The following RIC3 variants were observed in gnomAD, a reference collection of about 807,000 sequenced individuals.
The protein encoded by RIC3 is protein RIC-3.
In RIC3, 28 loss-of-function variants were observed where a neutral mutation model predicts 27.3. That is an observed-to-expected ratio of 1.02 (90% CI 0.76 to 1.41). The LOEUF (loss-of-function observed/expected upper bound fraction) is 1.41. RIC3 is among the 40% of genes most tolerant of loss of function. The probability of loss-of-function intolerance (pLI) is 0.00; values close to 1 mark genes in which losing one functional copy is unlikely to be tolerated. For missense variants in RIC3, 501 were observed against 444.7 expected (o/e 1.13, Z -1.14); for synonymous variants, 184 against 160.4 (o/e 1.15, Z -1.11).
In RIC3 at chr11:8,132,979, G is replaced by C. The variant is rs183733648; in HGVS notation, c.521+4399C>G. 4.7e-3 allele frequency among the ~76,000 whole-genome samples: 715 copies of C among 152,268 alleles called. 12 individuals carry two copies. The highest frequency in any genetic ancestry group is 0.031 in the Admixed American group (468 of 15,300). ...ACATGGTGCTATGGTTTGAATATTT[G>C]TCTCCTCCTATACTCATGTTGAAAC... On this transcript the variant is annotated intron_variant, in intron 4 of 5. Coordinates refer to ENST00000309737, the MANE Select transcript of RIC3 (RefSeq NM_001206671.4).
Sources: allele counts gnomAD v4.1 joint callset (sites outside exome capture counted in the v4.1 genomes callset), GRCh38; gene constraint gnomAD v4.1.1; transcripts MANE v1.5; gene names NCBI Gene and HGNC (gene_info 2026-07-23, HGNC 2026-07-21).